Variants in SLIT3 observed in about 807,000 individuals in gnomAD.
SLIT3 encodes the protein slit homolog 3 protein.
A neutral mutation model predicts 184.0 loss-of-function variants in SLIT3; 68 were observed. The ratio of observed to expected loss-of-function variants is 0.37; its 90% CI spans 0.30 to 0.45. SLIT3 has a LOEUF of 0.45. SLIT3 is among the 20% of genes least tolerant of loss of function. The probability of loss-of-function intolerance (pLI) is 1.00; values close to 1 mark genes in which losing one functional copy is unlikely to be tolerated. For synonymous variants in SLIT3, 831 were observed against 828.6 expected, an observed-to-expected ratio of 1.00 and a Z score of -0.05; for missense variants, 1,707 against 2,026.0, an observed-to-expected ratio of 0.84 and a Z score of 3.02.
At chr5:169,032,247 C>A (rs7447181) in intron 4 of SLIT3, among the ~76,000 whole-genome samples, 2 of 152,086 alleles carry the variant, frequency 1.3e-5, no homozygotes, top group East Asian at 3.8e-4. Context: ...ATTATAATTA[C>A]AGCTCTGAGT....
intron 35 of SLIT3, among the ~76,000 whole-genome samples, chr5:168,669,190 T>A (rs925415268): frequency 1.3e-5 from 2 of 152,210 alleles, no homozygotes; most frequent in African/African-American, 4.8e-5. Context: ...TGTACCTGAC[T>A]GATGTAACCA....
intron 12 of SLIT3, among the ~76,000 whole-genome samples, chr5:168,782,818 A>G (rs1311768457): frequency 6.6e-6 from 1 of 152,156 alleles, no homozygotes; most frequent in Non-Finnish European, 1.5e-5. Flanking sequence ...TGCATCCCCC[A>G]AAGACAATAA....
chr5:169,021,444 C>A (rs1487200818), intron 4 of SLIT3, among the ~76,000 whole-genome samples: 1 of 152,056 alleles, frequency 6.6e-6, no homozygotes. Context: ...TCCTCCTCCC[C>A]AGTTCAAGTG....
intron 14 of SLIT3, among the ~76,000 whole-genome samples, chr5:168,767,920 T>C (rs191074272): frequency 3.5e-3 from 535 of 152,250 alleles, no homozygotes; most frequent in Non-Finnish European, 6.2e-3. Flanking sequence ...AGACTAGATT[T>C]GGGGGAGGGT....
intron 5 of SLIT3, among the ~76,000 whole-genome samples, chr5:168,874,869 A>C (rs1199713133): frequency 6.6e-6 from 1 of 152,204 alleles, no homozygotes; most frequent in Non-Finnish European, 1.5e-5. Flanking sequence ...AATAGAGAAG[A>C]GTGCCCTGGG....
intron 4 of SLIT3, among the ~76,000 whole-genome samples, chr5:169,002,692 A>C (rs1755762104): frequency 6.6e-6 from 1 of 152,220 alleles, no homozygotes; most frequent in Admixed American, 6.5e-5. Context: ...AGAGGGGATG[A>C]GGACTACATT....
intron 4 of SLIT3, among the ~76,000 whole-genome samples, chr5:168,907,979 TAG>T (rs70979109): frequency 8.4e-4 from 42 of 50,068 alleles, no homozygotes; most frequent in African/African-American, 6.2e-4. Context: ...TATATATATA[TAG>T]AGAGAGAGAG....
intron 4 of SLIT3, among the ~76,000 whole-genome samples, chr5:169,139,966 G>T (rs1761662652): frequency 6.6e-6 from 1 of 152,208 alleles, no homozygotes. Context: ...ACATGCCTCA[G>T]TAGGGAGGGG....
At chr5:168,806,697 A>G in intron 8 of SLIT3, 110 bp from the exon 9 acceptor site, 1 of 1,247,536 alleles carries the variant, frequency 8.0e-7, no homozygotes, top group Non-Finnish European at 1.1e-6. Flanking sequence ...CAGCCATCTG[A>G]GAAATGATCA....
chr5:168,998,453 C>T (rs1252488568), intron 4 of SLIT3, among the ~76,000 whole-genome samples: 4 of 152,140 alleles, frequency 2.6e-5, no homozygotes, highest in Non-Finnish European at 5.9e-5. Context: ...GGCCTATAAT[C>T]CCAGCATTTT....
At chr5:169,182,133 C>G (rs1763180736) in intron 4 of SLIT3, among the ~76,000 whole-genome samples, 1 of 152,120 alleles carries the variant, frequency 6.6e-6, no homozygotes, top group Non-Finnish European at 1.5e-5. Context: ...GGGCGGGCCA[C>G]ACTTCTAAGC....
intron 3 of SLIT3, among the ~76,000 whole-genome samples, chr5:169,203,045 A>G (rs1288480946): frequency 6.6e-6 from 1 of 152,164 alleles, no homozygotes; most frequent in East Asian, 1.9e-4. Context: ...GATGGACAAG[A>G]GTCCTGTCTA....
At chr5:168,964,536 G>T (rs992774878) in intron 4 of SLIT3, among the ~76,000 whole-genome samples, 13 of 152,192 alleles carry the variant, frequency 8.5e-5, no homozygotes, top group Admixed American at 2.6e-4. Flanking sequence ...TTTCAAGCTG[G>T]ACAAAAGGTA....
rs1005009948 is a variant in SLIT3 at position 169,189,339 on chromosome 5, C to T, written c.413+4140G>A. ...TGTGGTATGGTAGAAAACATAAGGA[C>T]TTGGCAGAGACACAGATGTGTACTG... On this transcript the variant is annotated intron_variant, in intron 4 of 35. Coordinates refer to ENST00000519560, the MANE Select transcript of SLIT3 (RefSeq NM_003062.4). Among the ~76,000 whole-genome samples the T allele has an allele frequency of 1.4e-4, 22 of 151,764 alleles. No individual in the cohort carries two copies. In the South Asian group the frequency reaches 2.5e-3, roughly 17 times the overall value.
chr5:169,267,038 A>G (rs1766420210), intron 1 of SLIT3, among the ~76,000 whole-genome samples: 1 of 152,208 alleles, frequency 6.6e-6, no homozygotes, highest in South Asian at 2.1e-4. Context: ...CCAATCTACA[A>G]TGAGTGTTTA....
chr5:168,717,552 T>A (rs2113350478), intron 23 of SLIT3, among the ~76,000 whole-genome samples: 1 of 152,332 alleles, frequency 6.6e-6, no homozygotes, highest in East Asian at 1.9e-4. Flanking sequence ...CACTGTTTGC[T>A]TTCTTTCCCC....
intron 4 of SLIT3, among the ~76,000 whole-genome samples, chr5:168,933,438 C>T (rs1027770938): frequency 2.0e-5 from 3 of 152,010 alleles, no homozygotes; most frequent in Non-Finnish European, 2.9e-5. Flanking sequence ...GCCACTCAGG[C>T]GGCTGAGACA....
chr5:168,673,810 T>C (rs1561867776), intron 32 of SLIT3, among the ~76,000 whole-genome samples: 1 of 152,340 alleles, frequency 6.6e-6, no homozygotes, highest in East Asian at 1.9e-4. Flanking sequence ...CAAGATTTAG[T>C]CTAGGGTCAG....
chr5:168,955,845 A>T (rs1762808462), intron 4 of SLIT3, among the ~76,000 whole-genome samples: 1 of 152,142 alleles, frequency 6.6e-6, no homozygotes, highest in Non-Finnish European at 1.5e-5. Context: ...GTGACATGTG[A>T]TGGAATCTCC....
Sources: gnomAD v4.1 joint callset for allele counts (sites outside exome capture counted in the v4.1 genomes callset) on GRCh38, gnomAD v4.1.1 for gene constraint, MANE v1.5 for transcripts, NCBI Gene and HGNC (gene_info 2026-07-23, HGNC 2026-07-21) for gene names.